The following PARM1 variants were observed in gnomAD, a reference collection of about 807,000 sequenced individuals.
PARM1 encodes prostate androgen-regulated mucin-like protein 1, also known as WSC4, cell wall integrity and stress response component 4 homolog.
A neutral mutation model predicts 24.6 loss-of-function variants in PARM1; 14 were observed. The ratio of observed to expected loss-of-function variants is 0.57; its 90% CI spans 0.38 to 0.89. PARM1 has a LOEUF of 0.89. Ranked by LOEUF, PARM1 falls within the 40% of genes least tolerant of loss-of-function variation. The probability of loss-of-function intolerance (pLI) is 0.00; values close to 1 mark genes in which losing one functional copy is unlikely to be tolerated. For missense variants in PARM1, 362 were observed against 380.4 expected (o/e 0.95, Z 0.40); for synonymous variants, 179 against 156.6 (o/e 1.14, Z -1.07).
At chr4:74,972,961 C>A (rs1722066276) in intron 1 of PARM1, among the ~76,000 whole-genome samples, 1 of 152,078 alleles carries the variant, frequency 6.6e-6, no homozygotes, top group African/African-American at 2.4e-5. Flanking sequence ...ATTGGCTCTG[C>A]CCCTTATCTA....
intron 3 of PARM1, among the ~76,000 whole-genome samples, chr4:75,040,040 A>G (rs183985642): frequency 7.9e-5 from 12 of 152,300 alleles, no homozygotes; most frequent in Non-Finnish European, 5.9e-5. Flanking sequence ...AGTTTTCTCC[A>G]CTAGAACAAT....
In PARM1 at chr4:75,026,809, T is replaced by A. The variant is rs148341897; in HGVS notation, c.770-7074T>A. 1.4e-3 allele frequency among the ~76,000 whole-genome samples: 208 copies of A among 152,314 alleles called. 1 individual carries two copies. The highest frequency in any genetic ancestry group is 4.7e-3 in the African/African-American group (196 of 41,578). On this transcript the variant is annotated intron_variant, in intron 2 of 3. Coordinates refer to ENST00000307428, the MANE Select transcript of PARM1 (RefSeq NM_015393.4). The stretch of plus-strand genomic sequence containing the variant: ...ATGAAGACACTGGCCTTTACAAAGA[T>A]CTCAACAGCCCCCTTTGTTCATGCT...
intron 1 of PARM1, among the ~76,000 whole-genome samples, chr4:74,944,353 C>T (rs1186080718): frequency 1.3e-5 from 2 of 152,134 alleles, no homozygotes; most frequent in Non-Finnish European, 2.9e-5. Flanking sequence ...AAAATATTTG[C>T]CTTGCTTGTT....
At chr4:74,971,536 C>T (rs1020126240) in intron 1 of PARM1, among the ~76,000 whole-genome samples, 2 of 152,148 alleles carry the variant, frequency 1.3e-5, no homozygotes, top group African/African-American at 4.8e-5. Context: ...TTATTAACAG[C>T]ATTTTGTGTC....
intron 1 of PARM1, among the ~76,000 whole-genome samples, chr4:74,962,267 C>G (rs1387243060): frequency 6.6e-6 from 1 of 151,568 alleles, no homozygotes; most frequent in African/African-American, 2.4e-5. Flanking sequence ...AAATGTAATA[C>G]CATAAGAACC....
At chr4:74,965,084 A>G (rs138648543) in intron 1 of PARM1, 1 of 152,342 alleles carries the variant, frequency 6.6e-6, no homozygotes, top group African/African-American at 2.4e-5. Context: ...TCCACCCCCT[A>G]GATTCCAGGA....
chr4:74,994,184 A>G (rs1289288975), intron 1 of PARM1: 1 of 152,178 alleles, frequency 6.6e-6, no homozygotes, highest in African/African-American at 2.4e-5. Context: ...CCAGCTTGCA[A>G]GGGTAATTTT....
At chr4:74,952,010 C>T (rs1387071020) in intron 1 of PARM1, among the ~76,000 whole-genome samples, 1 of 152,150 alleles carries the variant, frequency 6.6e-6, no homozygotes, top group Non-Finnish European at 1.5e-5. Context: ...AAGGAATTGC[C>T]ATACTGTCTT....
intron 2 of PARM1, among the ~76,000 whole-genome samples, chr4:75,017,720 C>A (rs540888865): frequency 6.6e-6 from 1 of 152,154 alleles, no homozygotes; most frequent in African/African-American, 2.4e-5. Flanking sequence ...ACCTTGTTTG[C>A]AAATAGGAAG....
intron 2 of PARM1, among the ~76,000 whole-genome samples, chr4:75,027,094 T>C (rs967986156): frequency 1.4e-4 from 22 of 152,288 alleles, no homozygotes; most frequent in African/African-American, 5.1e-4. Flanking sequence ...CTCCAGACTT[T>C]ACAGGCCCAC....
rs1224973564 is a variant in PARM1, at chr4:74,956,572, G to A, written c.43+23202G>A. The A allele has an allele frequency of 2.0e-5, 3 of 152,150 alleles. No individual in the cohort carries two copies. In the East Asian group the frequency reaches 5.8e-4, roughly 29 times the overall value. The allele number at this position is 152,150 out of a possible 1,614,324, so 9.4% of individuals were successfully genotyped here. On this transcript the variant is annotated intron_variant, in intron 1 of 3. Transcript: ENST00000307428. Reference sequence around the variant, plus strand: ...AAATGCAGCTTACAACTTTTCACAAGAACATTTTTTGTGAACTTGCATTTC... The same window carrying A: ...AAATGCAGCTTACAACTTTTCACAAAAACATTTTTTGTGAACTTGCATTTC...
At chr4:74,944,961 TA>T (rs1328027538) in intron 1 of PARM1, among the ~76,000 whole-genome samples, 1 of 152,130 alleles carries the variant, frequency 6.6e-6, no homozygotes, top group African/African-American at 2.4e-5. Flanking sequence ...CTGTTTTTAA[TA>T]AAAATAAGTT....
At chr4:74,991,020 G>C (rs1268140354) in intron 1 of PARM1, among the ~76,000 whole-genome samples, 4 of 152,126 alleles carry the variant, frequency 2.6e-5, no homozygotes, top group Admixed American at 2.6e-4. Flanking sequence ...ACTTTTCCAA[G>C]AGACCAAGTA....
chr4:75,036,594 G>A lies in PARM1; in HGVS notation c.848+2633G>A, dbSNP rs115923872. Among the ~76,000 whole-genome samples the A allele has an allele frequency of 7.5e-3, 1,146 of 152,282 alleles. 8 individuals are homozygous for A. The highest frequency in any genetic ancestry group is 0.017 in the African/African-American group (698 of 41,562). On this transcript the variant is annotated intron_variant, in intron 3 of 3. Coordinates refer to ENST00000307428, the MANE Select transcript of PARM1 (RefSeq NM_015393.4). ...AGTCCTTGATAGATAGCTGTAGAGC[G>A]TCAGCCATGTGCCAGGCCACATTAG...
intron 1 of PARM1, among the ~76,000 whole-genome samples, chr4:74,942,141 A>G (rs910044791): frequency 1.3e-5 from 2 of 152,154 alleles, no homozygotes; most frequent in Non-Finnish European, 2.9e-5. Flanking sequence ...ATTTTATTTT[A>G]CTTCATTTGC....
chr4:75,038,745 A>G (rs1316824427), intron 3 of PARM1, among the ~76,000 whole-genome samples: 2 of 152,250 alleles, frequency 1.3e-5, no homozygotes, highest in Non-Finnish European at 2.9e-5. Context: ...CCTTTTGCAG[A>G]ACTATCTTTA....
intron 1 of PARM1, among the ~76,000 whole-genome samples, chr4:74,938,026 G>A (rs1014993563): frequency 6.6e-6 from 1 of 152,086 alleles, no homozygotes; most frequent in Non-Finnish European, 1.5e-5. Context: ...AACCTTAAAG[G>A]TCAGGTCCCC....
At chr4:74,962,229 A>G in intron 1 of PARM1, among the ~76,000 whole-genome samples, 1 of 152,186 alleles carries the variant, frequency 6.6e-6, no homozygotes, top group Non-Finnish European at 1.5e-5. Context: ...TATAAATTCA[A>G]ATTAGAATGT....
At chr4:74,949,181 CAGTT>C (rs1449764171) in intron 1 of PARM1, among the ~76,000 whole-genome samples, 1 of 152,178 alleles carries the variant, frequency 6.6e-6, no homozygotes, top group Admixed American at 6.5e-5. Context: ...AAAAGATCCA[CAGTT>C]AGTTATCCAG....
Sources: gnomAD v4.1 joint callset for allele counts (sites outside exome capture counted in the v4.1 genomes callset) on GRCh38, gnomAD v4.1.1 for gene constraint, MANE v1.5 for transcripts, NCBI Gene and HGNC (gene_info 2026-07-23, HGNC 2026-07-21) for gene names.